Variants in SLC25A28 observed in about 807,000 individuals in gnomAD.
SLC25A28 encodes solute carrier family 25 member 28.
SLC25A28 carries 10 observed loss-of-function variants against 31.9 expected under a neutral mutation model. The ratio of observed to expected loss-of-function variants is 0.31; its 90% CI spans 0.19 to 0.53. The LOEUF (loss-of-function observed/expected upper bound fraction) is 0.53. SLC25A28 is among the 20% of genes least tolerant of loss of function. The pLI, the probability that SLC25A28 is intolerant of heterozygous loss-of-function variation, is 0.95. For synonymous variants in SLC25A28, 208 were observed against 203.6 expected (o/e 1.02, Z -0.19); for missense variants, 256 against 490.3 (o/e 0.52, Z 4.51).
In SLC25A28 at chr10:99,613,501, G is replaced by A. The variant is rs1030506607; in HGVS notation, c.520+195C>T. The A allele has an allele frequency of 1.4e-6, 2 of 1,442,028 alleles. No individual in the cohort carries two copies. The highest frequency in any genetic ancestry group is 1.5e-5 in the South Asian group (1 of 68,046). 89.3% of individuals were successfully genotyped at this position (1,442,028 alleles called of 1,614,324 possible). A position where few individuals can be genotyped will look rare whatever the true frequency, so the allele number is the denominator to read the frequency against. ...GAGGATACTGTAACCCTTTGTTGAG[G>A]TGCCCCAAAGGAAAAGGCAGGGTTG... On this transcript the variant is annotated intron_variant, in intron 2 of 3. Transcript: ENST00000370495. This position sits in a 1 kb window ranked among gnomAD's most constrained non-coding sequence, Gnocchi z 4.9.
At chr10:99,636,033 A>G in the SLC25A28 span, among the ~76,000 whole-genome samples, 2 of 152,238 alleles carry the variant, frequency 1.3e-5, no homozygotes, top group East Asian at 1.9e-4. Context: ...GGGAACTTCA[A>G]TACTCCACTG....
the SLC25A28 span, among the ~76,000 whole-genome samples, chr10:99,642,799 C>A: frequency 6.6e-6 from 1 of 152,088 alleles, no homozygotes; most frequent in Non-Finnish European, 1.5e-5. Context: ...TTGTCAAAGG[C>A]CTTTGCTGCA....
chr10:99,639,752 C>CACACAT, the SLC25A28 span, among the ~76,000 whole-genome samples: 8 of 151,210 alleles, frequency 5.3e-5, no homozygotes, highest in African/African-American at 2.0e-4. Context: ...CACACACACA[C>CACACAT]ACACACAGCC....
the SLC25A28 span, among the ~76,000 whole-genome samples, chr10:99,638,944 C>T: frequency 6.6e-6 from 1 of 152,108 alleles, no homozygotes; most frequent in Non-Finnish European, 1.5e-5. Context: ...TGGGTATCTA[C>T]TCAGAGGAAA....
At chr10:99,630,590 C>A in the SLC25A28 span, among the ~76,000 whole-genome samples, 1 of 152,184 alleles carries the variant, frequency 6.6e-6, no homozygotes, top group East Asian at 1.9e-4. Flanking sequence ...TTCTGAACAT[C>A]CAATTGGTGC....
intron 1 of SLC25A28, among the ~76,000 whole-genome samples, chr10:99,615,152 C>G (rs761638785): frequency 7.9e-5 from 12 of 152,052 alleles, no homozygotes; most frequent in Non-Finnish European, 1.6e-4. Context: ...GTCAGGAGTT[C>G]GAGACCAGCC....
the SLC25A28 span, among the ~76,000 whole-genome samples, chr10:99,644,435 C>T: frequency 2.0e-5 from 3 of 152,108 alleles, no homozygotes; most frequent in Non-Finnish European, 4.4e-5. Flanking sequence ...CTTCCTCCAT[C>T]CCTTTATTTT....
upstream of SLC25A28, chr10:99,620,935 G>A (rs2133365754): frequency 1.0e-6 from 1 of 973,380 alleles, no homozygotes; most frequent in East Asian, 1.2e-4. Flanking sequence ...GCTGACGGGC[G>A]CCGTTACGAC....
chr10:99,619,138 T>C (rs1452201008), intron 1 of SLC25A28: 1 of 985,330 alleles, frequency 1.0e-6, no homozygotes, highest in East Asian at 1.1e-4. Flanking sequence ...AGGACCTGAC[T>C]TCAGTACACA....
At chr10:99,628,155 A>G in the SLC25A28 span, among the ~76,000 whole-genome samples, 1 of 152,212 alleles carries the variant, frequency 6.6e-6, no homozygotes, top group Non-Finnish European at 1.5e-5. Flanking sequence ...TTTGTGGCCT[A>G]TCTCTCTTGG....
At chr10:99,612,205 AAGTC>A (rs1402187770) in intron 3 of SLC25A28, among the ~76,000 whole-genome samples, 1 of 152,202 alleles carries the variant, frequency 6.6e-6, no homozygotes, top group Non-Finnish European at 1.5e-5. Context: ...GGGAAAAAAA[AAGTC>A]AGAATCCATC....
upstream of SLC25A28, chr10:99,620,928 G>T: frequency 1.0e-6 from 1 of 980,504 alleles, no homozygotes; most frequent in East Asian, 1.2e-4. Flanking sequence ...TCAAACTGCT[G>T]ACGGGCGCCG....
upstream of SLC25A28, among the ~76,000 whole-genome samples, chr10:99,624,229 TTTC>T (rs1168470822): frequency 8.2e-6 from 1 of 122,104 alleles, no homozygotes; most frequent in East Asian, 2.9e-4. Flanking sequence ...TTCTTTCTTC[TTTC>T]TTTTTTCTCT....
At chr10:99,616,320 T>C in intron 1 of SLC25A28, 1 of 786,324 alleles carries the variant, frequency 1.3e-6, no homozygotes. Flanking sequence ...TTCAAAATTG[T>C]CATCTATAAC....
At chr10:99,656,849 C>G in the SLC25A28 span, among the ~76,000 whole-genome samples, 5 of 152,160 alleles carry the variant, frequency 3.3e-5, no homozygotes, top group Admixed American at 6.5e-5. Flanking sequence ...TAGAGAAATA[C>G]TCTCAGTGCT....
At position 99,611,356 on chromosome 10, in the gene SLC25A28, C is replaced by T; in HGVS notation, c.588G>A (p.Gln196=). ...AAMNPAEVVK[Q]RMQMYNSPYH... ...ATGGTGAGTTGTACATCTGCATCCTCTGCTTGACCACTAGTAGTGCCATCA... is the reference window on the plus strand; with the variant it reads ...ATGGTGAGTTGTACATCTGCATCCTTTGCTTGACCACTAGTAGTGCCATCA... Residue 196 remains glutamine (Q), a synonymous_variant, in exon 4 of 4, where the codon CAG becomes CAA. Coordinates refer to ENST00000370495, the MANE Select transcript of SLC25A28 (RefSeq NM_031212.4). The surrounding 1 kb of genome is among the most constrained non-coding windows in gnomAD (Gnocchi z 5.5). The T allele has an allele frequency of 6.2e-7, 1 of 1,614,000 alleles. No individual in the cohort carries two copies. The highest frequency in any genetic ancestry group is 1.1e-5 in the South Asian group (1 of 91,054).
the SLC25A28 span, among the ~76,000 whole-genome samples, chr10:99,631,051 G>A: frequency 6.6e-6 from 1 of 152,100 alleles, no homozygotes; most frequent in Non-Finnish European, 1.5e-5. Flanking sequence ...ATAATAGCAG[G>A]AGTCCTGTGG....
At chr10:99,643,875 T>G in the SLC25A28 span, among the ~76,000 whole-genome samples, 18 of 152,352 alleles carry the variant, frequency 1.2e-4, no homozygotes, top group East Asian at 3.1e-3. Context: ...GTTGAGTGGT[T>G]TTGAGTGAGT....
chr10:99,626,108 C>T, the SLC25A28 span, among the ~76,000 whole-genome samples: 1 of 152,190 alleles, frequency 6.6e-6, no homozygotes, highest in African/African-American at 2.4e-5. Context: ...CTGCTGCGTC[C>T]GGCTTACACT....
Sources: allele counts gnomAD v4.1 joint callset (sites outside exome capture counted in the v4.1 genomes callset), GRCh38; gene constraint gnomAD v4.1.1; non-coding constraint Gnocchi (gnomAD v3.1); transcripts MANE v1.5; gene names NCBI Gene and HGNC (gene_info 2026-07-23, HGNC 2026-07-21).